SLC35F4: variants seen among roughly 807,000 people sequenced by gnomAD.
The protein encoded by SLC35F4 is solute carrier family 35 member F4, also known as chromosome 14 open reading frame 36.
SLC35F4 carries 24 observed loss-of-function variants against 44.2 expected under a neutral mutation model. The observed-to-expected ratio is 0.54, with a 90% CI of 0.39 to 0.76. The LOEUF is 0.76. Among genes scored for constraint, SLC35F4 ranks in the 30% least tolerant of loss-of-function variants. SLC35F4 has a pLI of 0.00. For missense variants in SLC35F4, 562 were observed against 586.1 expected (o/e 0.96, Z 0.42); for synonymous variants, 238 against 223.6 (o/e 1.06, Z -0.57).
intron 1 of SLC35F4, among the ~76,000 whole-genome samples, chr14:57,784,046 C>T (rs116820332): frequency 0.01 from 1,583 of 152,128 alleles, 26 homozygotes; most frequent in African/African-American, 0.036. Flanking sequence ...GGATTTATGA[C>T]AGAGCTAATC....
At chr14:57,684,628 G>A (rs2075014941) in intron 1 of SLC35F4, among the ~76,000 whole-genome samples, 1 of 152,300 alleles carries the variant, frequency 6.6e-6, no homozygotes, top group Non-Finnish European at 1.5e-5. Context: ...CAGGAGGTTG[G>A]GGAGCCTGGG....
At chr14:57,737,885 A>G (rs1223455131) in intron 1 of SLC35F4, among the ~76,000 whole-genome samples, 2 of 152,242 alleles carry the variant, frequency 1.3e-5, no homozygotes, top group Non-Finnish European at 2.9e-5. Context: ...ACTCCAAAGT[A>G]AATAGAGATA....
At chr14:57,898,843 T>C (rs1442710245) in intron 1 of SLC35F4, among the ~76,000 whole-genome samples, 1 of 152,258 alleles carries the variant, frequency 6.6e-6, no homozygotes, top group East Asian at 1.9e-4. Context: ...TTTCTAGGAA[T>C]ATCTTTCGAT....
intron 1 of SLC35F4, among the ~76,000 whole-genome samples, chr14:57,819,598 G>A (rs1468655603): frequency 6.6e-6 from 1 of 151,400 alleles, no homozygotes; most frequent in Non-Finnish European, 1.5e-5. Context: ...AAGGTCGGGA[G>A]TTTGAGACCA....
At chr14:57,957,805 T>G (rs1890265981) in intron 1 of SLC35F4, among the ~76,000 whole-genome samples, 1 of 152,206 alleles carries the variant, frequency 6.6e-6, no homozygotes, top group Admixed American at 6.5e-5. Context: ...TTCTGAACTT[T>G]GTCTTCTCTT....
chr14:57,649,774 T>A (rs938146287), intron 1 of SLC35F4, among the ~76,000 whole-genome samples: 6 of 120,380 alleles, frequency 5.0e-5, no homozygotes, highest in Non-Finnish European at 7.1e-5. Flanking sequence ...TTTGTTGCCC[T>A]ACTTAAAAGC....
intron 1 of SLC35F4, among the ~76,000 whole-genome samples, chr14:57,777,403 T>C (rs1671339783): frequency 1.3e-5 from 2 of 152,134 alleles, no homozygotes; most frequent in African/African-American, 4.8e-5. Context: ...ATAGACTGGA[T>C]TAAGAAAATG....
intron 1 of SLC35F4, among the ~76,000 whole-genome samples, chr14:57,883,377 AC>A (rs1338868285): frequency 6.6e-6 from 1 of 152,116 alleles, no homozygotes; most frequent in African/African-American, 2.4e-5. Context: ...TGTGGTAGTT[AC>A]TCTGCAATAG....
intron 1 of SLC35F4, among the ~76,000 whole-genome samples, chr14:57,963,433 C>T (rs979116235): frequency 1.3e-5 from 2 of 152,198 alleles, no homozygotes; most frequent in African/African-American, 4.8e-5. Flanking sequence ...AGCCCAGCAG[C>T]CCCTGGGGCT....
At chr14:57,641,478 A>G (rs892196310) in intron 1 of SLC35F4, among the ~76,000 whole-genome samples, 1 of 151,948 alleles carries the variant, frequency 6.6e-6, no homozygotes, top group African/African-American at 2.4e-5. Flanking sequence ...ATAACAAGAG[A>G]GGAAATCTAG....
intron 1 of SLC35F4, among the ~76,000 whole-genome samples, chr14:57,647,840 T>C (rs766099187): frequency 1.3e-5 from 2 of 152,134 alleles, no homozygotes; most frequent in Non-Finnish European, 2.9e-5. Context: ...AGGCGATGTC[T>C]GATCACCCCG....
intron 1 of SLC35F4, among the ~76,000 whole-genome samples, chr14:57,723,143 G>T (rs757322884): frequency 8.5e-5 from 13 of 152,140 alleles, no homozygotes; most frequent in Non-Finnish European, 1.6e-4. Context: ...GGCTTATGGA[G>T]GTCAGGTAAT....
chr14:57,595,958 AT>A (rs1330997029), intron 1 of SLC35F4: 2 of 152,300 alleles, frequency 1.3e-5, no homozygotes, highest in African/African-American at 4.8e-5. Flanking sequence ...GTACAAACAT[AT>A]AGTTAGAATG....
intron 1 of SLC35F4, among the ~76,000 whole-genome samples, chr14:57,655,204 T>A (rs997215456): frequency 1.3e-5 from 2 of 151,996 alleles, no homozygotes; most frequent in African/African-American, 2.4e-5. Context: ...CTTCCTTTTT[T>A]TAAAAAAAAT....
chr14:57,628,241 GA>G (rs1256757199), intron 1 of SLC35F4, among the ~76,000 whole-genome samples: 4 of 46,844 alleles, frequency 8.5e-5, no homozygotes, highest in Non-Finnish European at 5.4e-5. Context: ...CTATATGACT[GA>G]ATTTTTTTTT....
intron 1 of SLC35F4, among the ~76,000 whole-genome samples, chr14:57,612,406 G>A (rs570154680): frequency 6.6e-6 from 1 of 152,262 alleles, no homozygotes; most frequent in East Asian, 1.9e-4. Context: ...CAGCAGTTGG[G>A]CCAACATTCT....
chr14:57,583,559 G>A (rs238392), intron 3 of SLC35F4, among the ~76,000 whole-genome samples: 38,459 of 152,052 alleles, frequency 0.25, 5,304 homozygotes, highest in East Asian at 0.64. Context: ...ACCAACAGAT[G>A]TGTATTCCAG....
rs552892896 is a variant in SLC35F4, at chr14:57,969,689, C to T, written n.282+12224G>A. On this transcript the variant is annotated intron_variant and non_coding_transcript_variant, in intron 1 of 1. Transcript: ENST00000556568. ...TGGCTATTTAATAGCCTATGAGATACGCCATAATTTATTTGGCTGTTTTTG... is the reference window on the plus strand; with the variant it reads ...TGGCTATTTAATAGCCTATGAGATATGCCATAATTTATTTGGCTGTTTTTG... 7.1e-4 allele frequency among the ~76,000 whole-genome samples: 108 copies of T among 152,250 alleles called. 1 individual carries two copies. Among genetic ancestry groups the T allele is most frequent in the Middle Eastern group, 3.4e-3 (1 of 294 alleles).
At chr14:57,572,364 T>C (rs1221022819) in intron 4 of SLC35F4, among the ~76,000 whole-genome samples, 1 of 152,178 alleles carries the variant, frequency 6.6e-6, no homozygotes, top group African/African-American at 2.4e-5. Flanking sequence ...AAGTCACTTC[T>C]AAGCGTTTTC....
Sources: allele counts gnomAD v4.1 joint callset (sites outside exome capture counted in the v4.1 genomes callset), GRCh38; gene constraint gnomAD v4.1.1; transcripts MANE v1.5; gene names NCBI Gene and HGNC (gene_info 2026-07-23, HGNC 2026-07-21).